ZNF462: variants seen among roughly 807,000 people sequenced by gnomAD.
ZNF462 encodes zinc finger protein 462, also known as zinc finger PBX1-interacting protein.
Under a neutral mutation model 201.9 loss-of-function variants are expected in ZNF462, and 10 were observed. The observed-to-expected ratio is 0.05, with a 90% CI of 0.03 to 0.08. The LOEUF (loss-of-function observed/expected upper bound fraction) is 0.08. Among genes scored for constraint, ZNF462 ranks in the 10% least tolerant of loss-of-function variants. ZNF462 has a pLI of 1.00. For missense variants in ZNF462, 2,523 were observed against 3,168.3 expected, an observed-to-expected ratio of 0.80 and a Z score of 4.89; for synonymous variants, 1,227 against 1,193.3, an observed-to-expected ratio of 1.03 and a Z score of -0.58.
chr9:107,009,713 TAGGGAGGG>T lies in ZNF462; in HGVS notation c.7313+54_7313+61del. The T allele has an allele frequency of 3.8e-6, 6 of 1,599,922 alleles. No individual in the cohort carries two copies. The highest frequency in any genetic ancestry group is 5.1e-6 in the Non-Finnish European group (6 of 1,171,160). ...GGATGCCTTTGTCCAAAGCAAGAGG[TAGGGAGGG>T]AGGGAGGGGCTCTTGTTTTGGTTCC... is the stretch of plus-strand genomic sequence containing the variant. On this transcript the variant is annotated intron_variant, in intron 12 of 12. Coordinates refer to ENST00000277225, the MANE Select transcript of ZNF462 (RefSeq NM_021224.6). This position sits in a 1 kb window ranked among gnomAD's most constrained non-coding sequence, Gnocchi z 6.1.
rs1390273920 is a variant in ZNF462, at chr9:106,919,848, T to C, written c.-30-3506T>C. 6.6e-6 allele frequency among the ~76,000 whole-genome samples: 1 copy of C among 152,206 alleles called. No individual in the cohort carries two copies. Among genetic ancestry groups the C allele is most frequent in the Non-Finnish European group, 1.5e-5 (1 of 68,036 alleles). ...ACCTTGAAGGGCCTAGACATATATC[T>C]GGGGTAGAAGACAGGGATGCTTGTT... On this transcript the variant is annotated intron_variant, in intron 1 of 12. Coordinates refer to ENST00000277225, the MANE Select transcript of ZNF462 (RefSeq NM_021224.6). This position sits in a 1 kb window ranked among gnomAD's most constrained non-coding sequence, Gnocchi z 4.5.
intron 1 of ZNF462, among the ~76,000 whole-genome samples, chr9:106,896,188 G>A (rs566804725): frequency 6.6e-6 from 1 of 152,124 alleles, no homozygotes; most frequent in East Asian, 1.9e-4. Flanking sequence ...CCTTATACCA[G>A]CCTTCTGTCC....
rs766875320 is a variant in ZNF462, at chr9:106,923,567, A to G, written c.184A>G (p.Ile62Val). The change falls in exon 2 of 13, where the codon ATA (isoleucine) becomes GTA (valine). Residue 62 changes from isoleucine to valine, a missense_variant. By Grantham distance (29) the Ile-to-Val change is conservative. Transcript: ENST00000277225. The surrounding 1 kb of genome is among the most constrained non-coding windows in gnomAD (Gnocchi z 5.6). ...SNQTEVEFSS[I>V]KDEFAIAEDL... Reference sequence around the variant, plus strand: ...TCAGACAGAGGTGGAGTTTTCTTCTATAAAGGATGAATTTGCCATTGCAGA... The same window carrying G: ...TCAGACAGAGGTGGAGTTTTCTTCTGTAAAGGATGAATTTGCCATTGCAGA... 4 of 1,614,234 alleles carry G rather than the reference A, an allele frequency of 2.5e-6. 1 individual carries two copies. In the South Asian group the frequency reaches 4.4e-5, roughly 18 times the overall value.
intron 4 of ZNF462, among the ~76,000 whole-genome samples, chr9:106,931,703 G>GC (rs1429731849): frequency 1.3e-5 from 2 of 152,164 alleles, no homozygotes; most frequent in Non-Finnish European, 1.5e-5. Context: ...CGAAAAACAG[G>GC]TGACTTAAAA....
intron 4 of ZNF462, among the ~76,000 whole-genome samples, chr9:106,931,498 T>C (rs889797077): frequency 5.3e-5 from 8 of 152,236 alleles, no homozygotes; most frequent in African/African-American, 1.9e-4. Context: ...CAATTTAACA[T>C]GAAGATAAAG....
At position 107,011,001 on chromosome 9, in the gene ZNF462, C is replaced by A; in HGVS notation, c.7492C>A (p.Leu2498Met). The A allele has an allele frequency of 2.5e-6, 4 of 1,613,584 alleles. No individual in the cohort carries two copies. The highest frequency in any genetic ancestry group is 3.4e-6 in the Non-Finnish European group (4 of 1,179,864). ...TGTAGTAACTGCCGACAAATCTCTC[C>A]TGGAGAATGCAGAGGCCAAAAAAGA... ...ICVVTADKSL[L>M]ENAEAKKE The change falls in exon 13 of 13, where the codon CTG (leucine) becomes ATG (methionine). Residue 2498 changes from leucine (L) to methionine (M), a missense_variant. Leu to Met is a conservative substitution (Grantham distance 15, BLOSUM62 2). This residue lies in a region of ZNF462 where 67 missense variants were observed against 63.2 expected (regional missense o/e 1.06). Coordinates refer to ENST00000277225, the MANE Select transcript of ZNF462 (RefSeq NM_021224.6). This position sits in a 1 kb window ranked among gnomAD's most constrained non-coding sequence, Gnocchi z 5.6.
chr9:106,864,039 G>GCTCGCGCTCTCTCTCTCT, intron 1 of ZNF462, among the ~76,000 whole-genome samples: 3 of 22,760 alleles, frequency 1.3e-4, no homozygotes, highest in Admixed American at 5.8e-4. Context: ...CAGGTATTTG[G>GCTCGCGCTCTCTCTCTCT]CTCTCTCTCT....
intron 10 of ZNF462, among the ~76,000 whole-genome samples, chr9:106,987,584 T>G (rs2132329567): frequency 6.6e-6 from 1 of 152,308 alleles, no homozygotes; most frequent in East Asian, 1.9e-4. Context: ...TTGTATAGAT[T>G]GTGAAGATTT....
chr9:106,910,216 G>C (rs1194724842), intron 1 of ZNF462, among the ~76,000 whole-genome samples: 1 of 151,856 alleles, frequency 6.6e-6, no homozygotes, highest in East Asian at 1.9e-4. Context: ...CTGATGTCTT[G>C]TCATCTTGTC....
rs1830036527 is a variant in ZNF462 at position 107,013,459 on chromosome 9, A to G, written c.*2429A>G. 1 of 152,186 alleles carries G rather than the reference A, an allele frequency of 6.6e-6. No individual in the cohort carries two copies. Among genetic ancestry groups the G allele is most frequent in the African/African-American group, 2.4e-5 (1 of 41,460 alleles). 9.4% of individuals were successfully genotyped at this position (152,186 alleles called of 1,614,324 possible). ...AGCAAAATGATAACCTATTGACTCC[A>G]GTAATCAGTGTTTCCCAATACTTCA... On this transcript the variant is annotated 3_prime_UTR_variant, in exon 13 of 13. Transcript: ENST00000277225.
rs998720251 is a variant in ZNF462, at chr9:107,006,168, G to C, written c.7189+2742G>C. On this transcript the variant is annotated intron_variant, in intron 11 of 12. Transcript: ENST00000277225. This position sits in a 1 kb window ranked among gnomAD's most constrained non-coding sequence, Gnocchi z 4.3. ...TTTAAGATTTCTTTGGCTATCCAGGGTGTGGTTCCATGGGTTGTTGTAAAG... is the reference window on the plus strand; with the variant it reads ...TTTAAGATTTCTTTGGCTATCCAGGCTGTGGTTCCATGGGTTGTTGTAAAG... 6.6e-6 allele frequency among the ~76,000 whole-genome samples: 1 copy of C among 152,200 alleles called. No individual in the cohort carries two copies. The highest frequency in any genetic ancestry group is 2.1e-4 in the South Asian group (1 of 4,820).
intron 1 of ZNF462, among the ~76,000 whole-genome samples, chr9:106,911,571 G>A: frequency 6.6e-6 from 1 of 152,216 alleles, no homozygotes; most frequent in Non-Finnish European, 1.5e-5. Context: ...GTTCTTTGGT[G>A]ATGCTGATGC....
rs1832192403 is a variant in ZNF462 at position 106,968,745 on chromosome 9, AT to A, written c.6428-3257del. ...CACATCCATGTGATTCAGCTGCTGT[AT>A]TTCCCCATGACCAGAAGTCTGACTC... On this transcript the variant is annotated intron_variant, in intron 7 of 12. Coordinates refer to ENST00000277225, the MANE Select transcript of ZNF462 (RefSeq NM_021224.6). The surrounding 1 kb of genome is among the most constrained non-coding windows in gnomAD (Gnocchi z 4.0). 6.6e-6 allele frequency among the ~76,000 whole-genome samples: 1 copy of A among 152,288 alleles called. No homozygotes were observed. Among genetic ancestry groups the A allele is most frequent in the South Asian group, 2.1e-4 (1 of 4,824 alleles).
At position 106,972,629 on chromosome 9, in the gene ZNF462, G is replaced by A. The variant is rs1826684863; in HGVS notation, c.6695+357G>A. 6.6e-6 allele frequency among the ~76,000 whole-genome samples: 1 copy of A among 152,090 alleles called. No individual in the cohort carries two copies. The highest frequency in any genetic ancestry group is 2.1e-4 in the South Asian group (1 of 4,820). ...CTTTGGAAAAAAAAGTATGTTCTTG[G>A]AAGCAAAGTCAAAGTCAAGAGAAAA... On this transcript the variant is annotated intron_variant, in intron 8 of 12. Coordinates refer to ENST00000277225, the MANE Select transcript of ZNF462 (RefSeq NM_021224.6). The surrounding 1 kb of genome is among the most constrained non-coding windows in gnomAD (Gnocchi z 4.8).
chr9:107,008,022 C>T lies in ZNF462; in HGVS notation c.7190-1523C>T, dbSNP rs1279161333. Among the ~76,000 whole-genome samples, 2 of 152,054 alleles carry T rather than the reference C, an allele frequency of 1.3e-5. No individual in the cohort carries two copies. The highest frequency in any genetic ancestry group is 4.8e-5 in the African/African-American group (2 of 41,404). On this transcript the variant is annotated intron_variant, in intron 11 of 12. Transcript: ENST00000277225. The surrounding 1 kb of genome is among the most constrained non-coding windows in gnomAD (Gnocchi z 4.8). ...CTACCTCCTTTCTAAATGCAAGTGCCGGACTGAATATGGACACGCTGCAGG... is the reference window on the plus strand; with the variant it reads ...CTACCTCCTTTCTAAATGCAAGTGCTGGACTGAATATGGACACGCTGCAGG...
At chr9:106,994,114 T>A (rs762581111) in intron 10 of ZNF462, among the ~76,000 whole-genome samples, 1 of 152,176 alleles carries the variant, frequency 6.6e-6, no homozygotes, top group Non-Finnish European at 1.5e-5. Context: ...AAAATTGTCA[T>A]GTTCAGTATA....
At chr9:106,998,091 T>C (rs1445219358) in intron 10 of ZNF462, among the ~76,000 whole-genome samples, 2 of 152,320 alleles carry the variant, frequency 1.3e-5, no homozygotes, top group Non-Finnish European at 2.9e-5. Context: ...GCCTGTGTTA[T>C]AAGTCATTCA....
intron 1 of ZNF462, among the ~76,000 whole-genome samples, chr9:106,909,641 A>T (rs567310197): frequency 2.0e-4 from 31 of 152,280 alleles, no homozygotes; most frequent in Non-Finnish European, 4.1e-4. Flanking sequence ...ATACTTCGGT[A>T]TTGTTCTCTC....
chr9:106,909,138 A>G (rs1829436823), intron 1 of ZNF462, among the ~76,000 whole-genome samples: 1 of 149,762 alleles, frequency 6.7e-6, no homozygotes, highest in Admixed American at 6.7e-5. Flanking sequence ...TAATTTTTGT[A>G]TTTTTAGTAG....
Sources: allele counts gnomAD v4.1 joint callset (sites outside exome capture counted in the v4.1 genomes callset), GRCh38; gene constraint gnomAD v4.1.1; regional missense constraint gnomAD v4.1.1; non-coding constraint Gnocchi (gnomAD v3.1); transcripts MANE v1.5; gene names NCBI Gene and HGNC (gene_info 2026-07-23, HGNC 2026-07-21).